Variants in RARB observed in about 807,000 individuals in gnomAD.
RARB encodes the protein retinoic acid receptor beta.
A neutral mutation model predicts 51.9 loss-of-function variants in RARB; 17 were observed. That is an observed-to-expected ratio of 0.33 (90% CI 0.22 to 0.49). The LOEUF is 0.49. Ranked by LOEUF, RARB falls within the 20% of genes least tolerant of loss-of-function variation. The probability of loss-of-function intolerance (pLI) is 0.99; values close to 1 mark genes in which losing one functional copy is unlikely to be tolerated. For synonymous variants in RARB, 215 were observed against 195.4 expected (o/e 1.10, Z -0.84); for missense variants, 369 against 550.8 (o/e 0.67, Z 3.30).
intron 2 of RARB, among the ~76,000 whole-genome samples, chr3:24,942,741 T>A (rs1032435534): frequency 6.6e-6 from 1 of 152,148 alleles, no homozygotes; most frequent in African/African-American, 2.4e-5. Flanking sequence ...AAGATTACTG[T>A]CAAGAGCATT....
At chr3:25,317,083 G>A (rs200091739) in intron 5 of RARB, among the ~76,000 whole-genome samples, 1 of 42,746 alleles carries the variant, frequency 2.3e-5, no homozygotes, top group Non-Finnish European at 5.6e-5. Context: ...ATTATAAGTC[G>A]TGTAAAAGAA....
chr3:25,169,980 C>A (rs1575193117), intron 4 of RARB, among the ~76,000 whole-genome samples: 1 of 116,948 alleles, frequency 8.6e-6, no homozygotes, highest in African/African-American at 3.4e-5. Flanking sequence ...AGAGCGACAC[C>A]TTATTTCTTA....
intron 2 of RARB, among the ~76,000 whole-genome samples, chr3:25,491,060 G>A (rs1044572622): frequency 1.3e-5 from 2 of 152,062 alleles, no homozygotes; most frequent in Non-Finnish European, 2.9e-5. Context: ...GAAATTCTTT[G>A]GGTAACTACT....
At chr3:25,100,820 T>G (rs1463321453) in intron 3 of RARB, among the ~76,000 whole-genome samples, 1 of 152,176 alleles carries the variant, frequency 6.6e-6, no homozygotes, top group African/African-American at 2.4e-5. Flanking sequence ...ATTTAAGCCA[T>G]CTCTCACATG....
At chr3:25,085,118 G>A (rs1455338003) in intron 3 of RARB, among the ~76,000 whole-genome samples, 1 of 152,084 alleles carries the variant, frequency 6.6e-6, no homozygotes, top group Non-Finnish European at 1.5e-5. Flanking sequence ...ATACCAAGAG[G>A]AGACAACTAT....
intron 5 of RARB, among the ~76,000 whole-genome samples, chr3:25,176,293 T>TTTTCTTTCTCTCTTTCTTTCTTTC (rs1700740970): frequency 1.6e-5 from 1 of 64,124 alleles, no homozygotes; most frequent in East Asian, 6.0e-4. Flanking sequence ...TATATTTATC[T>TTTTCTTTCTCTCTTTCTTTCTTTC]TTTCTTTCTT....
At chr3:24,959,575 G>C (rs1046713851) in intron 2 of RARB, among the ~76,000 whole-genome samples, 1 of 152,252 alleles carries the variant, frequency 6.6e-6, no homozygotes, top group Non-Finnish European at 1.5e-5. Flanking sequence ...AGATGGGGAT[G>C]TAAAGTTCTC....
intron 1 of RARB, among the ~76,000 whole-genome samples, chr3:24,838,915 TA>T (rs1470845432): frequency 7.8e-6 from 1 of 128,398 alleles, no homozygotes; most frequent in Non-Finnish European, 1.6e-5. Context: ...GAAATCTGTG[TA>T]AAATCTCCAG....
At chr3:25,312,578 G>A (rs1385042789) in intron 5 of RARB, among the ~76,000 whole-genome samples, 1 of 152,170 alleles carries the variant, frequency 6.6e-6, no homozygotes, top group Non-Finnish European at 1.5e-5. Flanking sequence ...GTGAGTGAGA[G>A]CTCACTCTGG....
At chr3:25,542,467 G>T (rs1446953105) in intron 3 of RARB, among the ~76,000 whole-genome samples, 2 of 152,142 alleles carry the variant, frequency 1.3e-5, no homozygotes, top group Non-Finnish European at 2.9e-5. Context: ...TAGATGCTAA[G>T]TACTGCTCCT....
chr3:24,901,742 G>GA (rs573394648), intron 2 of RARB, among the ~76,000 whole-genome samples: 259 of 152,238 alleles, frequency 1.7e-3, no homozygotes, highest in African/African-American at 6.0e-3. Flanking sequence ...CCTTAGTTCA[G>GA]AGAGCCTTTG....
intron 5 of RARB, among the ~76,000 whole-genome samples, chr3:25,214,153 GAA>G (rs1701764999): frequency 6.6e-6 from 1 of 152,158 alleles, no homozygotes; most frequent in South Asian, 2.1e-4. Flanking sequence ...GCAGCATTTT[GAA>G]AGTTTGAAAC....
intron 3 of RARB, among the ~76,000 whole-genome samples, chr3:25,108,131 G>A (rs755046004): frequency 7.2e-5 from 11 of 152,048 alleles, no homozygotes; most frequent in African/African-American, 1.4e-4. Flanking sequence ...TTCATGTCTC[G>A]GGCAAGATGG....
chr3:25,540,109 C>A (rs905809591), intron 3 of RARB, among the ~76,000 whole-genome samples: 4 of 152,076 alleles, frequency 2.6e-5, no homozygotes, highest in African/African-American at 9.7e-5. Flanking sequence ...AATGCTAAGT[C>A]CTTTTCATAT....
intron 2 of RARB, among the ~76,000 whole-genome samples, chr3:24,895,287 A>G (rs1703455886): frequency 6.6e-6 from 1 of 152,226 alleles, no homozygotes; most frequent in African/African-American, 2.4e-5. Flanking sequence ...GTTTACAGCC[A>G]GGTTCCAGTT....
intron 2 of RARB, among the ~76,000 whole-genome samples, chr3:24,869,885 C>G (rs1575045090): frequency 6.6e-6 from 1 of 152,060 alleles, no homozygotes; most frequent in Admixed American, 6.6e-5. Context: ...ATGAGTATTC[C>G]AGTTGTTTTA....
At chr3:25,533,958 G>C (rs1575494718) in intron 3 of RARB, among the ~76,000 whole-genome samples, 1 of 152,242 alleles carries the variant, frequency 6.6e-6, no homozygotes, top group African/African-American at 2.4e-5. Context: ...AGTGCTCTTA[G>C]GGGGCTTCTC....
intron 1 of RARB, among the ~76,000 whole-genome samples, chr3:24,838,100 C>T (rs980408848): frequency 2.0e-5 from 3 of 152,148 alleles, no homozygotes; most frequent in African/African-American, 7.2e-5. Context: ...TCCCTATTTC[C>T]TTGCTGGCTG....
At chr3:24,854,071 G>A (rs192618254) in intron 1 of RARB, among the ~76,000 whole-genome samples, 6 of 152,306 alleles carry the variant, frequency 3.9e-5, no homozygotes, top group Admixed American at 1.3e-4. Flanking sequence ...TTGTAGGGTC[G>A]TGTAGTTTCA....
Sources: gnomAD v4.1 joint callset for allele counts (sites outside exome capture counted in the v4.1 genomes callset) on GRCh38, gnomAD v4.1.1 for gene constraint, MANE v1.5 for transcripts, NCBI Gene and HGNC (gene_info 2026-07-23, HGNC 2026-07-21) for gene names.